DENND2A: variants seen among roughly 807,000 people sequenced by gnomAD.
DENND2A encodes DENN domain containing 2A.
In DENND2A, 53 loss-of-function variants were observed where a neutral mutation model predicts 105.3. The observed-to-expected ratio is 0.50, with a 90% CI of 0.40 to 0.63. The LOEUF (loss-of-function observed/expected upper bound fraction) is 0.63. Ranked by LOEUF, DENND2A falls within the 30% of genes least tolerant of loss-of-function variation. DENND2A has a pLI of 0.00. For synonymous variants in DENND2A, 522 were observed against 508.4 expected (o/e 1.03, Z -0.36); for missense variants, 1,138 against 1,279.6 (o/e 0.89, Z 1.69).
chr7:140,575,968 C>CA (rs34179994), intron 5 of DENND2A, among the ~76,000 whole-genome samples: 50,776 of 144,504 alleles, frequency 0.35, 9,246 homozygotes, highest in African/African-American at 0.45. Flanking sequence ...GACTCTATCT[C>CA]AAAAAAAAAT....
rs567188328 is a variant in DENND2A at position 140,536,124 on chromosome 7, G to A, written c.2327+8494C>T. 1.1e-4 allele frequency among the ~76,000 whole-genome samples: 17 copies of A among 152,152 alleles called. 3 individuals carry two copies. Among genetic ancestry groups the A allele is most frequent in the African/African-American group, 2.4e-4 (10 of 41,528 alleles). ...TCCCAACATTGTGGGAGGCTGAGGC[G>A]AGCAGATCACTTGAGGTCAGGAGTT... On this transcript the variant is annotated intron_variant, in intron 14 of 19. Coordinates refer to ENST00000496613, the MANE Select transcript of DENND2A (RefSeq NM_015689.5).
intron 17 of DENND2A, 112 bp from the exon 18 acceptor site, chr7:140,522,212 G>C: frequency 7.3e-7 from 1 of 1,375,224 alleles, no homozygotes; most frequent in Non-Finnish European, 9.8e-7. Context: ...TCCCTTGATG[G>C]AAACTGCGAT....
intron 12 of DENND2A, among the ~76,000 whole-genome samples, chr7:140,550,434 T>C (rs1237155850): frequency 6.6e-6 from 1 of 152,202 alleles, no homozygotes; most frequent in South Asian, 2.1e-4. Flanking sequence ...CTGGGCTCAC[T>C]GCAACCTCTG....
chr7:140,569,010 T>C (rs533982142), intron 7 of DENND2A, among the ~76,000 whole-genome samples, 197 bp from the exon 8 acceptor site: 1 of 152,156 alleles, frequency 6.6e-6, no homozygotes, highest in Admixed American at 6.6e-5. Flanking sequence ...CTGCAACCTC[T>C]GCCTTCCAGG....
chr7:140,573,399 A>G (rs1371983579), intron 6 of DENND2A, among the ~76,000 whole-genome samples: 1 of 152,228 alleles, frequency 6.6e-6, no homozygotes, highest in Non-Finnish European at 1.5e-5. Flanking sequence ...GCAAAGAGCC[A>G]CAAGAGGTAT....
intron 9 of DENND2A, among the ~76,000 whole-genome samples, chr7:140,562,634 C>G (rs938007044): frequency 6.6e-6 from 1 of 150,982 alleles, no homozygotes; most frequent in Non-Finnish European, 1.5e-5. Flanking sequence ...AGCACTCCAG[C>G]CTGGGTGACA....
chr7:140,518,772 G>A, intron 19 of DENND2A, 34 bp from the exon 20 acceptor site: 1 of 1,608,446 alleles, frequency 6.2e-7, no homozygotes, highest in Non-Finnish European at 8.5e-7. Flanking sequence ...ATTTCACAAG[G>A]CAGACAAAGG....
At chr7:140,543,501 C>T (rs552772076) in intron 14 of DENND2A, 2 of 152,250 alleles carry the variant, frequency 1.3e-5, no homozygotes, top group African/African-American at 4.8e-5. Context: ...GTGGAAAGCC[C>T]ACCAATGCCA....
chr7:140,629,512 C>T (rs932969470), intron 1 of DENND2A, among the ~76,000 whole-genome samples: 3 of 152,018 alleles, frequency 2.0e-5, no homozygotes, highest in Admixed American at 1.3e-4. Flanking sequence ...AAGACGGACC[C>T]GGCAGCAGGC....
Position 140,568,808 on chromosome 7 carries a change from C to T in DENND2A, c.1546G>A (p.Asp516Asn). ...SMESNSGKVT[D>N]ENSESDSDTE... The stretch of plus-strand genomic sequence containing the variant: ...TCACTGTCAGACTCACTGTTCTCAT[C>T]TGTCACTAGAAGAAAAGAACAAGGA... Residue 516 changes from aspartate to asparagine, a missense_variant, in exon 8 of 20, where the codon GAT becomes AAT. Around this residue, in one of 2 missense-constraint regions of DENND2A, gnomAD observed 627 missense variants for 779.8 expected, o/e 0.80. Transcript: ENST00000496613. The T allele has an allele frequency of 6.2e-7, 1 of 1,614,162 alleles. No individual in the cohort carries two copies. The highest frequency in any genetic ancestry group is 8.5e-7 in the Non-Finnish European group (1 of 1,180,012).
chr7:140,589,169 T>C (rs1798910279), intron 3 of DENND2A, among the ~76,000 whole-genome samples: 1 of 152,180 alleles, frequency 6.6e-6, no homozygotes, highest in Admixed American at 6.5e-5. Context: ...AGACTGATGC[T>C]TTTAATGACA....
intron 9 of DENND2A, among the ~76,000 whole-genome samples, chr7:140,562,744 C>T (rs943361192): frequency 1.3e-5 from 2 of 152,140 alleles, no homozygotes; most frequent in African/African-American, 4.8e-5. Flanking sequence ...TTAATTGAAG[C>T]CATGGGGTGC....
intron 3 of DENND2A, among the ~76,000 whole-genome samples, chr7:140,600,491 G>A (rs186590199): frequency 1.3e-3 from 204 of 152,210 alleles, no homozygotes; most frequent in Non-Finnish European, 2.8e-3. Context: ...GGACTTCCAG[G>A]GACATGGGTG....
At chr7:140,585,066 CGT>C (rs1380136406) in intron 5 of DENND2A, among the ~76,000 whole-genome samples, 1 of 152,038 alleles carries the variant, frequency 6.6e-6, no homozygotes, top group Non-Finnish European at 1.5e-5. Flanking sequence ...GGGCTGGTGG[CGT>C]GTGCCTGTAA....
At chr7:140,558,656 A>C (rs967392528) in intron 10 of DENND2A, among the ~76,000 whole-genome samples, 1 of 148,368 alleles carries the variant, frequency 6.7e-6, no homozygotes, top group Non-Finnish European at 1.5e-5. Context: ...AGATCATGCC[A>C]TTACACTCCA....
At chr7:140,628,252 T>G (rs1800604767) in intron 1 of DENND2A, among the ~76,000 whole-genome samples, 1 of 152,228 alleles carries the variant, frequency 6.6e-6, no homozygotes, top group Non-Finnish European at 1.5e-5. Context: ...GTTTTGGAAT[T>G]AGAAGGTGAC....
intron 1 of DENND2A, among the ~76,000 whole-genome samples, chr7:140,611,295 G>A (rs1482288526): frequency 6.6e-6 from 1 of 152,144 alleles, no homozygotes; most frequent in Non-Finnish European, 1.5e-5. Flanking sequence ...ACTTTGGGAG[G>A]CTGAGGCAGG....
intron 3 of DENND2A, among the ~76,000 whole-genome samples, chr7:140,596,492 G>T (rs943929642): frequency 2.0e-5 from 3 of 152,152 alleles, no homozygotes; most frequent in Non-Finnish European, 4.4e-5. Context: ...GAGGGTTGCT[G>T]CCCAGCCAGA....
At chr7:140,595,051 G>T (rs1227910219) in intron 3 of DENND2A, among the ~76,000 whole-genome samples, 1 of 151,748 alleles carries the variant, frequency 6.6e-6, no homozygotes, top group Non-Finnish European at 1.5e-5. Context: ...TCTGTGCCCA[G>T]GCTAGAATGC....
Sources: gnomAD v4.1 joint callset for allele counts (sites outside exome capture counted in the v4.1 genomes callset) on GRCh38, gnomAD v4.1.1 for gene constraint, gnomAD v4.1.1 regional missense constraint, MANE v1.5 for transcripts, NCBI Gene and HGNC (gene_info 2026-07-23, HGNC 2026-07-21) for gene names.